The following OPCML variants were observed in gnomAD, a reference collection of about 807,000 sequenced individuals.
OPCML encodes opioid-binding protein/cell adhesion molecule.
Under a neutral mutation model 37.8 loss-of-function variants are expected in OPCML, and 13 were observed. That is an observed-to-expected ratio of 0.34 (90% confidence interval 0.22 to 0.55). The LOEUF (loss-of-function observed/expected upper bound fraction) is 0.55, where lower values mean the gene tolerates loss of function less well. OPCML is among the 20% of genes least tolerant of loss of function. OPCML has a pLI of 0.91. For missense variants in OPCML, 341 were observed against 435.6 expected, an observed-to-expected ratio of 0.78 and a Z score of 1.93; for synonymous variants, 176 against 168.8, an observed-to-expected ratio of 1.04 and a Z score of -0.33.
At chr11:133,442,726 CGT>C (rs371441649) in intron 1 of OPCML, among the ~76,000 whole-genome samples, 12,361 of 141,258 alleles carry the variant, frequency 0.088, 1,121 homozygotes, top group African/African-American at 0.24. Flanking sequence ...CATATTTAAA[CGT>C]GTGTGTGTGT....
intron 2 of OPCML, among the ~76,000 whole-genome samples, chr11:132,784,131 C>T (rs999492489): frequency 6.6e-6 from 1 of 152,122 alleles, no homozygotes; most frequent in African/African-American, 2.4e-5. Context: ...AAAACCAACC[C>T]AGCTATCCAC....
chr11:132,838,448 A>G lies in OPCML; in HGVS notation c.146+104478T>C, dbSNP rs1341296663. ...TGTCAAGCAGACATTTGGCCTGGAT[A>G]AATGACACAGATCCTGCCTACAAGT... On this transcript the variant is annotated intron_variant, in intron 2 of 7. Transcript: ENST00000524381. Among the ~76,000 whole-genome samples, 3 of 152,224 alleles carry G rather than the reference A, an allele frequency of 2.0e-5. No homozygotes were observed. In the East Asian group the frequency reaches 5.8e-4, roughly 29 times the overall value.
chr11:132,896,995 G>A (rs1943875850), intron 2 of OPCML, among the ~76,000 whole-genome samples: 1 of 152,182 alleles, frequency 6.6e-6, no homozygotes, highest in African/African-American at 2.4e-5. Context: ...TCACTTGGGT[G>A]TCTTACTCTG....
At chr11:133,483,574 A>T (rs1204045936) in intron 1 of OPCML, among the ~76,000 whole-genome samples, 1 of 151,916 alleles carries the variant, frequency 6.6e-6, no homozygotes, top group Non-Finnish European at 1.5e-5. Flanking sequence ...AAAGGAATGG[A>T]TGATAGATTA....
intron 1 of OPCML, among the ~76,000 whole-genome samples, chr11:133,490,141 G>C (rs1333295040): frequency 6.6e-6 from 1 of 152,134 alleles, no homozygotes; most frequent in Non-Finnish European, 1.5e-5. Flanking sequence ...TACTCCTTCA[G>C]AGAGCTTGTT....
chr11:133,115,790 C>A (rs1167643419), intron 1 of OPCML, among the ~76,000 whole-genome samples: 3 of 151,922 alleles, frequency 2.0e-5, no homozygotes, highest in South Asian at 2.1e-4. Context: ...TAGAATGTTA[C>A]CCAGATTCAC....
intron 2 of OPCML, among the ~76,000 whole-genome samples, chr11:132,782,825 C>T (rs547370021): frequency 2.0e-5 from 3 of 148,788 alleles, no homozygotes; most frequent in Non-Finnish European, 4.4e-5. Context: ...TATGTAGATA[C>T]ATTATATCTC....
At chr11:132,654,200 AG>A (rs752926480) in intron 3 of OPCML, among the ~76,000 whole-genome samples, 6 of 152,222 alleles carry the variant, frequency 3.9e-5, no homozygotes, top group Non-Finnish European at 8.8e-5. Context: ...TGTCTTCCAA[AG>A]AAAGAGCAAG....
rs542421146 is a variant in OPCML at position 133,374,718 on chromosome 11, GT to G, written c.61+157545del. On this transcript the variant is annotated intron_variant, in intron 1 of 7. Coordinates refer to ENST00000524381, the MANE Select transcript of OPCML (RefSeq NM_001012393.5). ...TCCTAAGGCACAGTTCCAATCAAAA[GT>G]TTTTATTTGCTCATTACCTACTGCA... Among the ~76,000 whole-genome samples the G allele has an allele frequency of 4.0e-4, 61 of 152,230 alleles. 1 individual carries two copies. The East Asian group carries it at 9.8e-3, about 25-fold the overall frequency.
At chr11:133,254,758 T>A (rs1244644208) in intron 1 of OPCML, among the ~76,000 whole-genome samples, 1 of 151,954 alleles carries the variant, frequency 6.6e-6, no homozygotes, top group Non-Finnish European at 1.5e-5. Context: ...CTGGAGAGAG[T>A]CAAGTTTGCA....
intron 1 of OPCML, among the ~76,000 whole-genome samples, chr11:133,028,076 C>T (rs951507213): frequency 2.0e-5 from 3 of 152,022 alleles, no homozygotes; most frequent in Admixed American, 6.5e-5. Flanking sequence ...TCATTAAAAT[C>T]ACTGGAGCTG....
At chr11:132,911,972 T>C (rs184787727) in intron 2 of OPCML, among the ~76,000 whole-genome samples, 141 of 152,122 alleles carry the variant, frequency 9.3e-4, no homozygotes, top group African/African-American at 3.2e-3. Context: ...ACACAGGAAA[T>C]GGAGGAAGTA....
chr11:132,488,903 C>A (rs1457207466), intron 4 of OPCML, among the ~76,000 whole-genome samples: 1 of 152,138 alleles, frequency 6.6e-6, no homozygotes, highest in African/African-American at 2.4e-5. Flanking sequence ...TCAGACCATG[C>A]TGGTTTGAGC....
intron 1 of OPCML, among the ~76,000 whole-genome samples, chr11:133,262,178 G>A (rs1434616486): frequency 6.6e-6 from 1 of 152,110 alleles, no homozygotes; most frequent in Admixed American, 6.5e-5. Context: ...GAACCTATAT[G>A]CATTATCTCA....
At chr11:133,334,983 T>C (rs1302043288) in intron 1 of OPCML, among the ~76,000 whole-genome samples, 2 of 152,232 alleles carry the variant, frequency 1.3e-5, no homozygotes, top group East Asian at 1.9e-4. Flanking sequence ...ACCCTAAATC[T>C]GAAACACATT....
intron 1 of OPCML, among the ~76,000 whole-genome samples, chr11:133,183,779 G>C (rs1180405329): frequency 6.6e-6 from 1 of 152,158 alleles, no homozygotes; most frequent in East Asian, 1.9e-4. Flanking sequence ...GTATGGTTTA[G>C]TGCCAACATG....
At chr11:133,196,416 G>A (rs187475746) in intron 1 of OPCML, among the ~76,000 whole-genome samples, 41 of 152,332 alleles carry the variant, frequency 2.7e-4, no homozygotes, top group African/African-American at 8.9e-4. Flanking sequence ...AGGCTCTGGA[G>A]AGATGCTCAT....
At chr11:132,958,684 C>G (rs527326845) in intron 1 of OPCML, among the ~76,000 whole-genome samples, 2 of 152,310 alleles carry the variant, frequency 1.3e-5, no homozygotes, top group South Asian at 2.1e-4. Context: ...TCCTAGGGCC[C>G]TTAAGAATCA....
intron 1 of OPCML, among the ~76,000 whole-genome samples, chr11:132,959,665 A>C (rs1050028615): frequency 8.1e-6 from 1 of 123,552 alleles, no homozygotes; most frequent in African/African-American, 3.1e-5. Flanking sequence ...CCATTTACCT[A>C]CATTGACTTC....
Sources: allele counts gnomAD v4.1 joint callset (sites outside exome capture counted in the v4.1 genomes callset), GRCh38; gene constraint gnomAD v4.1.1; transcripts MANE v1.5; gene names NCBI Gene and HGNC (gene_info 2026-07-23, HGNC 2026-07-21).